TNNI3K: variants seen among roughly 807,000 people sequenced by gnomAD.
TNNI3K encodes serine/threonine-protein kinase TNNI3K.
Under a neutral mutation model 114.5 loss-of-function variants are expected in TNNI3K, and 140 were observed. That is an observed-to-expected ratio of 1.22 (90% CI 1.07 to 1.41). TNNI3K has a LOEUF of 1.41. Among genes scored for constraint, TNNI3K ranks in the 40% most tolerant of loss-of-function variants. The pLI is 0.00. For missense variants in TNNI3K, 1,125 were observed against 1,007.6 expected, an observed-to-expected ratio of 1.12 and a Z score of -1.58; for synonymous variants, 347 against 347.5, an observed-to-expected ratio of 1.00 and a Z score of 0.02.
chr1:74,451,678 TTTTCTTTTCTTTC>T lies in TNNI3K; in HGVS notation c.2012-11755_2012-11743del, dbSNP rs1467117314. Reference sequence around the variant, plus strand: ...TTCTTTTTTCTTTTCTTTTCTTTTCTTTTCTTTTCTTTCTTTCTTTCTTTCTTTCTTTCTTTCT... The same window carrying T: ...TTCTTTTTTCTTTTCTTTTCTTTTCTTTTCTTTCTTTCTTTCTTTCTTTCT... On this transcript the variant is annotated intron_variant, in intron 20 of 24. Coordinates refer to ENST00000326637, the MANE Select transcript of TNNI3K (RefSeq NM_015978.3). Among the ~76,000 whole-genome samples the T allele has an allele frequency of 1.4e-3, 64 of 45,526 alleles. 1 individual carries two copies. Among genetic ancestry groups the T allele is most frequent in the Admixed American group, 5.5e-3 (17 of 3,064 alleles). The allele number at this position is 45,526 out of a possible 152,430, so 29.9% of individuals were successfully genotyped here.
At chr1:74,507,742 C>A (rs992604487) in intron 23 of TNNI3K, among the ~76,000 whole-genome samples, 2 of 152,212 alleles carry the variant, frequency 1.3e-5, no homozygotes, top group African/African-American at 2.4e-5. Flanking sequence ...GTATTCCCTA[C>A]TAATATGGTA....
chr1:74,411,322 C>T (rs1315752287), intron 17 of TNNI3K, among the ~76,000 whole-genome samples: 1 of 152,130 alleles, frequency 6.6e-6, no homozygotes, highest in Non-Finnish European at 1.5e-5. Flanking sequence ...AGTGCGGATA[C>T]ACTGAGATAC....
chr1:74,455,979 G>T (rs1557577636), intron 20 of TNNI3K, among the ~76,000 whole-genome samples: 1 of 152,178 alleles, frequency 6.6e-6, no homozygotes, highest in African/African-American at 2.4e-5. Context: ...CACAGGCCTT[G>T]TGTGTGTCAT....
chr1:74,288,762 T>G (rs1038465385), intron 5 of TNNI3K, among the ~76,000 whole-genome samples: 8 of 152,108 alleles, frequency 5.3e-5, no homozygotes, highest in African/African-American at 1.9e-4. Context: ...GAGTAAATCT[T>G]AAATGTTCTT....
chr1:74,415,591 G>T, intron 17 of TNNI3K, among the ~76,000 whole-genome samples: 1 of 151,820 alleles, frequency 6.6e-6, no homozygotes, highest in East Asian at 1.9e-4. Flanking sequence ...GTCTCTAATA[G>T]AATCACATTT....
chr1:74,275,223 C>G (rs914845321), intron 5 of TNNI3K, among the ~76,000 whole-genome samples: 1 of 152,024 alleles, frequency 6.6e-6, no homozygotes, highest in African/African-American at 2.4e-5. Flanking sequence ...TACAGTTCCA[C>G]ATGGCTGGAG....
chr1:74,438,867 A>T (rs1217029428), intron 19 of TNNI3K, among the ~76,000 whole-genome samples: 2 of 152,128 alleles, frequency 1.3e-5, no homozygotes, highest in Non-Finnish European at 2.9e-5. Context: ...AGCATTCATA[A>T]ATAGCACATC....
chr1:74,276,880 G>A (rs1207204103), intron 5 of TNNI3K, among the ~76,000 whole-genome samples: 1 of 152,118 alleles, frequency 6.6e-6, no homozygotes, highest in African/African-American at 2.4e-5. Context: ...TCCTAGACAT[G>A]CTGACTACAA....
rs533795595 is a variant in TNNI3K at position 74,504,935 on chromosome 1, G to A, written c.2351+12669G>A. Among the ~76,000 whole-genome samples, 14 of 152,296 alleles carry A rather than the reference G, an allele frequency of 9.2e-5. No individual in the cohort carries two copies. In the East Asian group the frequency reaches 1.9e-3, roughly 21 times the overall value. ...TCCCAGCCACATGAAGAGAACCTGC[G>A]AAGATTCGCCGGAGGCAAACTGCTA... On this transcript the variant is annotated intron_variant, in intron 23 of 24. Coordinates refer to ENST00000326637, the MANE Select transcript of TNNI3K (RefSeq NM_015978.3).
chr1:74,543,427 G>A (rs190981215), intron 24 of TNNI3K, among the ~76,000 whole-genome samples: 4 of 152,106 alleles, frequency 2.6e-5, no homozygotes, highest in African/African-American at 9.6e-5. Context: ...AGCATTCACT[G>A]GTATCAGACA....
intron 23 of TNNI3K, among the ~76,000 whole-genome samples, chr1:74,522,941 C>G (rs1305133336): frequency 6.6e-6 from 1 of 152,170 alleles, no homozygotes; most frequent in Non-Finnish European, 1.5e-5. Context: ...AACTCCAAGC[C>G]CAACTGCCCA....
intron 5 of TNNI3K, among the ~76,000 whole-genome samples, chr1:74,296,181 C>A (rs1657971878): frequency 6.6e-6 from 1 of 151,472 alleles, no homozygotes; most frequent in Admixed American, 6.6e-5. Flanking sequence ...GAGGCTGAGG[C>A]AGGAGAATGG....
intron 21 of TNNI3K, among the ~76,000 whole-genome samples, chr1:74,487,720 A>G (rs775935515): frequency 6.6e-6 from 1 of 152,214 alleles, no homozygotes; most frequent in Non-Finnish European, 1.5e-5. Flanking sequence ...GTAGGTAGGT[A>G]GAAAGAAGAG....
chr1:74,372,643 G>A (rs1662674816), intron 17 of TNNI3K: 1 of 151,794 alleles, frequency 6.6e-6, no homozygotes, highest in South Asian at 2.1e-4. Context: ...AGTTTTAAGA[G>A]TATTATCTTT....
At position 74,334,508 on chromosome 1, in the gene TNNI3K, T is replaced by C. The variant is rs182619876; in HGVS notation, c.544-1503T>C. Among the ~76,000 whole-genome samples, 300 of 152,324 alleles carry C rather than the reference T, an allele frequency of 2.0e-3. 4 individuals carry two copies. Among genetic ancestry groups the C allele is most frequent in the Admixed American group, 3.9e-3 (59 of 15,300 alleles). On this transcript the variant is annotated intron_variant, in intron 6 of 24. Coordinates refer to ENST00000326637, the MANE Select transcript of TNNI3K (RefSeq NM_015978.3). ...CATCCTAACTTAACCTTAGTATCAC[T>C]GAGGTGACTTTTGAAATTCTCAGGA...
intron 11 of TNNI3K, among the ~76,000 whole-genome samples, chr1:74,366,075 A>G (rs1382663542): frequency 1.3e-5 from 2 of 151,870 alleles, no homozygotes; most frequent in African/African-American, 4.8e-5. Flanking sequence ...GTTTTTGCGG[A>G]AGGGAAGATT....
chr1:74,504,943 G>C (rs1182423071), intron 23 of TNNI3K, among the ~76,000 whole-genome samples: 3 of 152,104 alleles, frequency 2.0e-5, no homozygotes, highest in Non-Finnish European at 4.4e-5. Flanking sequence ...GCGAAGATTC[G>C]CCGGAGGCAA....
intron 20 of TNNI3K, among the ~76,000 whole-genome samples, chr1:74,452,523 CCA>C (rs1171467728): frequency 1.3e-5 from 2 of 152,120 alleles, no homozygotes; most frequent in African/African-American, 4.8e-5. Flanking sequence ...TGAAATCCAT[CCA>C]GTTATCTCCA....
intron 23 of TNNI3K, among the ~76,000 whole-genome samples, chr1:74,510,333 C>T (rs762813942): frequency 1.1e-4 from 17 of 152,030 alleles, no homozygotes; most frequent in Admixed American, 5.2e-4. Flanking sequence ...GGTGAAGCCC[C>T]GTCTCTACTA....
Sources: allele counts gnomAD v4.1 joint callset (sites outside exome capture counted in the v4.1 genomes callset), GRCh38; gene constraint gnomAD v4.1.1; transcripts MANE v1.5; gene names NCBI Gene and HGNC (gene_info 2026-07-23, HGNC 2026-07-21).